Variants in ICE1 observed in about 807,000 individuals in gnomAD.
The protein encoded by ICE1 is little elongation complex subunit 1.
Under a neutral mutation model 192.7 loss-of-function variants are expected in ICE1, and 64 were observed. That is an observed-to-expected ratio of 0.33 (90% confidence interval 0.27 to 0.41). The LOEUF (loss-of-function observed/expected upper bound fraction) is 0.41. Among genes scored for constraint, ICE1 ranks in the 10% least tolerant of loss-of-function variants. ICE1 has a pLI of 1.00. For missense variants in ICE1, 2,708 were observed against 2,696.0 expected (o/e 1.00, Z -0.10); for synonymous variants, 1,010 against 984.5 (o/e 1.03, Z -0.49).
At chr5:5,449,674 A>G (rs187705430) in intron 10 of ICE1, among the ~76,000 whole-genome samples, 10 of 152,334 alleles carry the variant, frequency 6.6e-5, no homozygotes, top group Non-Finnish European at 7.4e-5. Context: ...AAGGAGCAGG[A>G]CATTAGCATT....
At chr5:5,480,153 G>C (rs1195899803) in intron 17 of ICE1, among the ~76,000 whole-genome samples, 2 of 151,990 alleles carry the variant, frequency 1.3e-5, no homozygotes, top group African/African-American at 4.8e-5. Flanking sequence ...TTGCCCCTGG[G>C]GAATATAAAA....
At chr5:5,444,949 C>T (rs1738168184) in intron 7 of ICE1, among the ~76,000 whole-genome samples, 1 of 152,122 alleles carries the variant, frequency 6.6e-6, no homozygotes, top group Non-Finnish European at 1.5e-5. Context: ...TTTGCTTTTT[C>T]CTCCCTTCAT....
In ICE1 at chr5:5,462,687, A is replaced by G; in HGVS notation, c.3353A>G (p.Glu1118Gly). 6.2e-7 allele frequency: 1 copy of G among 1,613,930 alleles called. No homozygotes were observed. Among genetic ancestry groups the G allele is most frequent in the Non-Finnish European group, 8.5e-7 (1 of 1,179,856 alleles). ...EVESEAFSCS[E>G]GSEQQDAPDD... is the part of the protein sequence containing the mutation. ...GAGAGTGAGGCATTTAGCTGCAGTG[A>G]GGGGAGCGAACAGCAAGATGCTCCT... The change falls in exon 13 of 19, where the codon GAG (glutamate) becomes GGG (glycine). Residue 1118 changes from glutamate (E) to glycine (G), a missense_variant. Coordinates refer to ENST00000296564, the MANE Select transcript of ICE1 (RefSeq NM_015325.3).
At chr5:5,473,295 A>G (rs1739219068) in intron 15 of ICE1, among the ~76,000 whole-genome samples, 2 of 152,210 alleles carry the variant, frequency 1.3e-5, no homozygotes, top group African/African-American at 4.8e-5. Context: ...GTGCTTTCCT[A>G]TCTGGATTAC....
rs376008194 is a variant in ICE1 at position 5,457,574 on chromosome 5, C to T, written c.934C>T (p.Arg312Cys). 1.5e-5 allele frequency: 25 copies of T among 1,613,788 alleles called. No individual in the cohort carries two copies. Among genetic ancestry groups the T allele is most frequent in the South Asian group, 7.7e-5 (7 of 91,074 alleles). Residue 312 changes from arginine to cysteine, a missense_variant, in exon 12 of 19, where the codon CGT becomes TGT. By Grantham distance (180) the Arg-to-Cys change is radical. Transcript: ENST00000296564. ...TCTTGAGGTTTTAGTACAAAGTCAT[C>T]GTGACGGTGGTAGTACTGAATTTGT... ...GNLEVLVQSH[R>C]DGGSTEFVDH... is the part of the protein sequence containing the mutation.
intron 1 of ICE1, 36 bp downstream of exon 1, chr5:5,423,035 GA>G (rs973989098): frequency 3.6e-4 from 471 of 1,305,086 alleles, no homozygotes; most frequent in Non-Finnish European, 4.4e-4. Flanking sequence ...CGCGGGGGGG[GA>G]CTCGGCTCGG....
intron 1 of ICE1, among the ~76,000 whole-genome samples, chr5:5,435,658 TTTTTTTTTTTTTTTGTTTTGTTTTTG>T (rs200319769): frequency 0.049 from 6,468 of 130,722 alleles, 550 homozygotes; most frequent in East Asian, 0.35. Context: ...CAAATTTGTG[TTTTTTTTTTTTTTTGTTTTGTTTTTG>T]TTTTTTTTTT....
In ICE1 at chr5:5,466,492, A is replaced by G. The variant is rs763682568; in HGVS notation, c.6051A>G (p.Leu2017=). 1.2e-6 allele frequency: 2 copies of G among 1,607,090 alleles called. No homozygotes were observed. The highest frequency in any genetic ancestry group is 1.7e-6 in the Non-Finnish European group (2 of 1,177,988). ...LERARLFCYS[L]LKEDFPESEK... is the part of the protein sequence containing the mutation. ...GAGCTCGTTTGTTTTGCTACAGCCTACTTAAAGAAGGTATGCTTAGATTGT... is the reference window on the plus strand; with the variant it reads ...GAGCTCGTTTGTTTTGCTACAGCCTGCTTAAAGAAGGTATGCTTAGATTGT... The change falls in exon 14 of 19, where the codon CTA becomes CTG. Residue 2017 remains leucine, a synonymous_variant. Transcript: ENST00000296564.
intron 14 of ICE1, among the ~76,000 whole-genome samples, chr5:5,467,272 A>G (rs1475239199): frequency 6.6e-6 from 1 of 152,222 alleles, no homozygotes; most frequent in East Asian, 1.9e-4. Flanking sequence ...TGGTGATTAA[A>G]ATCAGATGGA....
At chr5:5,448,007 T>A in intron 10 of ICE1, 110 bp downstream of exon 10, 1 of 772,434 alleles carries the variant, frequency 1.3e-6, no homozygotes, top group Non-Finnish European at 2.1e-6. Flanking sequence ...TTAGTAGATG[T>A]TTCGTTTTAG....
At position 5,462,636 on chromosome 5, in the gene ICE1, G is replaced by A; in HGVS notation, c.3302G>A (p.Arg1101Gln). 2 of 1,613,940 alleles carry A rather than the reference G, an allele frequency of 1.2e-6. No individual in the cohort carries two copies. The highest frequency in any genetic ancestry group is 8.5e-7 in the Non-Finnish European group (1 of 1,179,890). ...PGTLHCYTGIREGGDDTEVES... is the reference protein window; with the variant it reads ...PGTLHCYTGIQEGGDDTEVES... ...ACCTTACATTGTTACACAGGCATTC[G>A]AGAGGGGGGAGACGACACTGAGGTA... The change falls in exon 13 of 19, where the codon CGA becomes CAA. Residue 1101 changes from arginine (R) to glutamine (Q), a missense_variant. This residue lies in a region of ICE1 where 2,366 missense variants were observed against 2,276.6 expected (regional missense o/e 1.04). Coordinates refer to ENST00000296564, the MANE Select transcript of ICE1 (RefSeq NM_015325.3).
intron 15 of ICE1, among the ~76,000 whole-genome samples, chr5:5,469,223 C>T (rs1739084048): frequency 6.6e-6 from 1 of 152,180 alleles, no homozygotes; most frequent in African/African-American, 2.4e-5. Context: ...TTGTGTTATA[C>T]ACTAATTTGT....
chr5:5,487,390 A>G (rs1389876223), intron 18 of ICE1, among the ~76,000 whole-genome samples: 6 of 152,200 alleles, frequency 3.9e-5, no homozygotes, highest in Non-Finnish European at 8.8e-5. Context: ...TCTAGTTTTT[A>G]TTTTGAATAT....
At chr5:5,458,864 C>T (rs931950586) in intron 12 of ICE1, among the ~76,000 whole-genome samples, 7 of 151,928 alleles carry the variant, frequency 4.6e-5, no homozygotes, top group Admixed American at 3.9e-4. Flanking sequence ...ATAAGCAGCT[C>T]GCTTAAAATA....
chr5:5,481,990 T>C (rs1280993007), intron 17 of ICE1, among the ~76,000 whole-genome samples: 2 of 152,224 alleles, frequency 1.3e-5, no homozygotes, highest in African/African-American at 4.8e-5. Flanking sequence ...TGTGGTCTCC[T>C]GACTAAGCGA....
Position 5,457,556 on chromosome 5 carries a change from G to A in ICE1, c.916G>A (p.Val306Ile), listed in dbSNP as rs1738624498. The A allele has an allele frequency of 1.2e-6, 2 of 1,613,954 alleles. No homozygotes were observed. Among genetic ancestry groups the A allele is most frequent in the Non-Finnish European group, 1.7e-6 (2 of 1,179,868 alleles). The change falls in exon 12 of 19, where the codon GTT (valine) becomes ATT (isoleucine). Residue 306 changes from valine to isoleucine, a missense_variant. By Grantham distance (29) the Val-to-Ile change is conservative. This residue lies in a region of ICE1 where 2,366 missense variants were observed against 2,276.6 expected (regional missense o/e 1.04). Coordinates refer to ENST00000296564, the MANE Select transcript of ICE1 (RefSeq NM_015325.3). ...HVFNENGNLEVLVQSHRDGGS... is the reference protein window; with the variant it reads ...HVFNENGNLEILVQSHRDGGS... ...TTTTAATGAGAATGGAAATCTTGAG[G>A]TTTTAGTACAAAGTCATCGTGACGG...
chr5:5,476,063 A>T lies in ICE1; in HGVS notation c.6504A>T (p.Ser2168=), dbSNP rs61746060. The T allele has an allele frequency of 2.5e-6, 4 of 1,583,086 alleles. No homozygotes were observed. In the Admixed American group the frequency reaches 7.2e-5, roughly 28 times the overall value. The change falls in exon 17 of 19, where the codon TCA becomes TCT. Residue 2168 remains serine (S), a synonymous_variant. Coordinates refer to ENST00000296564, the MANE Select transcript of ICE1 (RefSeq NM_015325.3). ...IAYTPDIIIA[S]ILRLIGRLGQ... ...ATACTCCTGATATTATTATAGCCTC[A>T]ATACTGAGGCTGATTGGTAAGTTGT...
intron 16 of ICE1, among the ~76,000 whole-genome samples, chr5:5,474,222 A>G (rs1739248362): frequency 6.7e-6 from 1 of 149,024 alleles, no homozygotes. Context: ...AAAAAAAAAA[A>G]AGAAAAAAAA....
chr5:5,484,731 A>G (rs1023754607), intron 17 of ICE1, among the ~76,000 whole-genome samples: 6 of 152,200 alleles, frequency 3.9e-5, no homozygotes, highest in African/African-American at 1.2e-4. Context: ...AAGTAATGCA[A>G]ATTACTTAAG....
Sources: allele counts gnomAD v4.1 joint callset (sites outside exome capture counted in the v4.1 genomes callset), GRCh38; gene constraint gnomAD v4.1.1; regional missense constraint gnomAD v4.1.1; transcripts MANE v1.5; gene names NCBI Gene and HGNC (gene_info 2026-07-23, HGNC 2026-07-21).